The following GSDMC variants were observed in gnomAD, a reference collection of about 807,000 sequenced individuals.
The protein encoded by GSDMC is gasdermin C, also known as gasdermin-C.
In GSDMC, 59 loss-of-function variants were observed where a neutral mutation model predicts 58.0. The ratio of observed to expected loss-of-function variants is 1.02; its 90% CI spans 0.82 to 1.26. GSDMC has a LOEUF of 1.26. Ranked by LOEUF, GSDMC falls within the 50% of genes most tolerant of loss-of-function variation. GSDMC has a pLI of 0.00. For synonymous variants in GSDMC, 241 were observed against 220.2 expected (o/e 1.09, Z -0.83); for missense variants, 659 against 598.5 (o/e 1.10, Z -1.06).
At chr8:129,755,745 T>C (rs1260451029) in intron 6 of GSDMC, among the ~76,000 whole-genome samples, 2 of 152,040 alleles carry the variant, frequency 1.3e-5, no homozygotes, top group Non-Finnish European at 2.9e-5. Context: ...CTTTATTAGG[T>C]TTCTTTTTGC....
chr8:129,710,210 T>A, the GSDMC span, among the ~76,000 whole-genome samples: 1 of 152,324 alleles, frequency 6.6e-6, no homozygotes, highest in South Asian at 2.1e-4. Flanking sequence ...TTGTTTCCAG[T>A]CTAGCATGCA....
At chr8:129,762,483 C>G (rs368091919) in intron 5 of GSDMC, 143 bp downstream of exon 5, 5 of 693,888 alleles carry the variant, frequency 7.2e-6, no homozygotes, top group African/African-American at 7.0e-5. Flanking sequence ...GTGCCCTGGA[C>G]AGTAAGAAAT....
At position 129,750,555 on chromosome 8, in the gene GSDMC, T is replaced by C; in HGVS notation, c.959A>G (p.Gln320Arg). The C allele has an allele frequency of 6.2e-7, 1 of 1,613,998 alleles. No homozygotes were observed. The highest frequency in any genetic ancestry group is 8.5e-7 in the Non-Finnish European group (1 of 1,179,920). ...EPFWQNFKHL[Q>R]EEVFQKIKTL... is the part of the protein sequence containing the mutation. ...CTTTATTTTCTGGAAAACCTCCTCT[T>C]GTAGATGCTTGAAATCTGCTCTCAG... Residue 320 changes from glutamine to arginine, a missense_variant, in exon 11 of 14, where the codon CAA (glutamine) becomes CGA (arginine). Gln to Arg is a conservative substitution (Grantham distance 43, BLOSUM62 1). Coordinates refer to ENST00000276708, the MANE Select transcript of GSDMC (RefSeq NM_031415.3).
intron 6 of GSDMC, among the ~76,000 whole-genome samples, chr8:129,754,310 A>AGAC (rs397701547): frequency 6.6e-6 from 1 of 151,144 alleles, no homozygotes. Flanking sequence ...AGAGAGAGAG[A>AGAC]CCCCATTTGT....
At chr8:129,727,547 T>A in the GSDMC span, among the ~76,000 whole-genome samples, 4 of 152,178 alleles carry the variant, frequency 2.6e-5, no homozygotes, top group Non-Finnish European at 4.4e-5. Context: ...GAGAGCACTT[T>A]GTTTCTCTCA....
Position 129,777,540 on chromosome 8 carries a change from A to T in GSDMC, c.48T>A (p.Ile16=). 1 of 1,613,438 alleles carries T rather than the reference A, an allele frequency of 6.2e-7. No individual in the cohort carries two copies. The highest frequency in any genetic ancestry group is 8.5e-7 in the Non-Finnish European group (1 of 1,179,632). ...TGACAGGTGTCAGGTCTTTGCTTCCAATCTCTTTGACCAAATTTTTGCTAA... is the reference window on the plus strand; with the variant it reads ...TGACAGGTGTCAGGTCTTTGCTTCCTATCTCTTTGACCAAATTTTTGCTAA... ...ERISKNLVKE[I]GSKDLTPVKY... is the part of the protein sequence containing the mutation. The change falls in exon 2 of 14, where the codon ATT becomes ATA. Residue 16 remains isoleucine, a synonymous_variant. Transcript: ENST00000276708.
At chr8:129,726,474 C>T in the GSDMC span, among the ~76,000 whole-genome samples, 1 of 151,984 alleles carries the variant, frequency 6.6e-6, no homozygotes. Context: ...CACCAAGCAT[C>T]CTGCTGTTTG....
chr8:129,739,302 G>A, the GSDMC span, among the ~76,000 whole-genome samples: 2 of 152,298 alleles, frequency 1.3e-5, no homozygotes, highest in South Asian at 4.1e-4. Context: ...ACAGAAGCAA[G>A]CAAGGGCAAA....
At chr8:129,777,021 C>T (rs533921499) in intron 2 of GSDMC, among the ~76,000 whole-genome samples, 5 of 152,092 alleles carry the variant, frequency 3.3e-5, no homozygotes, top group South Asian at 4.2e-4. Context: ...CTGCCCGCCT[C>T]GGTCTCCCAA....
the GSDMC span, chr8:129,730,205 A>G: frequency 3.2e-6 from 4 of 1,235,726 alleles, no homozygotes; most frequent in Non-Finnish European, 4.4e-6. Flanking sequence ...TGTATCTAGA[A>G]GAAGAAATGA....
intron 1 of GSDMC, among the ~76,000 whole-genome samples, chr8:129,780,077 T>A (rs1223366041): frequency 6.6e-6 from 1 of 151,510 alleles, no homozygotes; most frequent in African/African-American, 2.4e-5. Context: ...AAATATACAG[T>A]CAAAGGAGAC....
the GSDMC span, among the ~76,000 whole-genome samples, chr8:129,716,176 G>A: frequency 6.6e-6 from 1 of 152,172 alleles, no homozygotes; most frequent in Non-Finnish European, 1.5e-5. Context: ...CCCATTAAAT[G>A]TAAGTGGTCT....
chr8:129,747,500 C>T (rs1469509114), downstream of GSDMC, among the ~76,000 whole-genome samples: 2 of 152,100 alleles, frequency 1.3e-5, no homozygotes, highest in African/African-American at 4.8e-5. Context: ...GGTGATTAGT[C>T]ACTTCATTAT....
rs776716740 is a variant in GSDMC, at chr8:129,750,424, C to T, written c.1083+7G>A. On this transcript the variant is annotated splice_region_variant and intron_variant, in intron 11 of 13. Transcript: ENST00000276708. ...TACCAGACCTATGCAACTGTGGAGC[C>T]CCTCACCATGTTCATCAGGTCCTGT... 13 of 1,612,558 alleles carry T rather than the reference C, an allele frequency of 8.1e-6. No individual in the cohort carries two copies. In the South Asian group the frequency reaches 1.3e-4, roughly 16 times the overall value.
chr8:129,747,996 G>A (rs1212095126), downstream of GSDMC, among the ~76,000 whole-genome samples: 2 of 151,556 alleles, frequency 1.3e-5, no homozygotes, highest in South Asian at 2.1e-4. Context: ...AAACAATTTC[G>A]GACTCACAAA....
At chr8:129,781,648 G>A (rs2034417000) in intron 1 of GSDMC, among the ~76,000 whole-genome samples, 1 of 152,102 alleles carries the variant, frequency 6.6e-6, no homozygotes, top group Non-Finnish European at 1.5e-5. Context: ...AGGAGGCTGA[G>A]GCAGGAGAAT....
intron 6 of GSDMC, among the ~76,000 whole-genome samples, chr8:129,757,339 A>G (rs1211654511): frequency 6.6e-6 from 1 of 152,164 alleles, no homozygotes; most frequent in Non-Finnish European, 1.5e-5. Flanking sequence ...GAACCTACCA[A>G]GATTAAACCA....
chr8:129,756,290 C>T (rs898833571), intron 6 of GSDMC, among the ~76,000 whole-genome samples: 1 of 151,630 alleles, frequency 6.6e-6, no homozygotes, highest in African/African-American at 2.4e-5. Context: ...ATAAGGGGGT[C>T]GATCTAACAA....
intron 10 of GSDMC, among the ~76,000 whole-genome samples, 193 bp from the exon 11 acceptor site, chr8:129,750,763 C>T (rs1294012257): frequency 6.6e-6 from 1 of 152,142 alleles, no homozygotes; most frequent in African/African-American, 2.4e-5. Context: ...AAAAGATGGA[C>T]AATCCAGTGT....
Sources: allele counts gnomAD v4.1 joint callset (sites outside exome capture counted in the v4.1 genomes callset), GRCh38; gene constraint gnomAD v4.1.1; transcripts MANE v1.5; gene names NCBI Gene and HGNC (gene_info 2026-07-23, HGNC 2026-07-21).